KCNC2: variants seen among roughly 807,000 people sequenced by gnomAD.
KCNC2 encodes voltage-gated potassium channel KCNC2.
In KCNC2, 21 loss-of-function variants were observed where a neutral mutation model predicts 44.5. The observed-to-expected ratio is 0.47, with a 90% CI of 0.33 to 0.68. The LOEUF is 0.68. KCNC2 is among the 30% of genes least tolerant of loss of function. The pLI is 0.01. For synonymous variants in KCNC2, 391 were observed against 339.1 expected (o/e 1.15, Z -1.68); for missense variants, 589 against 826.2 (o/e 0.71, Z 3.52).
At chr12:75,162,144 G>A (rs112142528) in intron 2 of KCNC2, among the ~76,000 whole-genome samples, 2,218 of 151,768 alleles carry the variant, frequency 0.015, 53 homozygotes, top group African/African-American at 0.05. Flanking sequence ...CAACTTTAGT[G>A]AGCATTTCTG....
At chr12:75,076,680 T>C (rs1354428536) in intron 2 of KCNC2, among the ~76,000 whole-genome samples, 1 of 152,212 alleles carries the variant, frequency 6.6e-6, no homozygotes, top group Non-Finnish European at 1.5e-5. Context: ...ATGATTCTCC[T>C]CTAGAATATT....
intron 2 of KCNC2, among the ~76,000 whole-genome samples, chr12:75,112,300 T>C (rs1379539968): frequency 6.6e-6 from 1 of 152,010 alleles, no homozygotes; most frequent in East Asian, 1.9e-4. Flanking sequence ...AGTTGAGTTA[T>C]CTGAATTAAG....
chr12:75,041,899 A>G lies in KCNC2; in HGVS notation c.*1206T>C, dbSNP rs535337915. The G allele has an allele frequency of 1.1e-4, 114 of 992,394 alleles. No individual in the cohort carries two copies. Among genetic ancestry groups the G allele is most frequent in the Non-Finnish European group, 1.3e-4 (112 of 834,798 alleles). The allele number at this position is 992,394 out of a possible 1,614,324, so 61.5% of individuals were successfully genotyped here. On this transcript the variant is annotated 3_prime_UTR_variant, in exon 5 of 5. Transcript: ENST00000549446. ...GAGGGAGTAAATATTAAAATCATAA[A>G]CATCTTACAGAGGCATTTCTGTGCT...
At chr12:75,081,962 G>T (rs1361179153) in intron 2 of KCNC2, among the ~76,000 whole-genome samples, 1 of 151,944 alleles carries the variant, frequency 6.6e-6, no homozygotes, top group Non-Finnish European at 1.5e-5. Flanking sequence ...ACTAAAAGAT[G>T]ATTCCAGTTT....
At chr12:75,061,042 C>T (rs1680960206) in intron 2 of KCNC2, among the ~76,000 whole-genome samples, 1 of 152,110 alleles carries the variant, frequency 6.6e-6, no homozygotes, top group African/African-American at 2.4e-5. Flanking sequence ...TCTAATATAG[C>T]ACTTACCTCA....
At chr12:75,090,275 C>T (rs761815229) in intron 2 of KCNC2, among the ~76,000 whole-genome samples, 3 of 151,642 alleles carry the variant, frequency 2.0e-5, no homozygotes, top group Admixed American at 6.6e-5. Context: ...TCTTAGCCAC[C>T]TATCTCAAAA....
chr12:75,157,921 C>A (rs1238187268), intron 2 of KCNC2, among the ~76,000 whole-genome samples: 1 of 151,880 alleles, frequency 6.6e-6, no homozygotes, highest in Admixed American at 6.6e-5. Flanking sequence ...AACATTTTCT[C>A]TTAGAACGGT....
At chr12:75,122,096 T>A (rs1028503325) in intron 2 of KCNC2, among the ~76,000 whole-genome samples, 1 of 152,014 alleles carries the variant, frequency 6.6e-6, no homozygotes, top group African/African-American at 2.4e-5. Context: ...TCTGGAGAAA[T>A]CACAGGTCAA....
intron 2 of KCNC2, among the ~76,000 whole-genome samples, chr12:75,057,114 C>T (rs1038477309): frequency 1.3e-5 from 2 of 151,914 alleles, no homozygotes; most frequent in African/African-American, 4.8e-5. Flanking sequence ...TAAGTAATAA[C>T]CAAGAGAAGG....
intron 2 of KCNC2, among the ~76,000 whole-genome samples, chr12:75,190,322 C>T (rs1458794813): frequency 1.3e-5 from 2 of 152,154 alleles, no homozygotes; most frequent in Non-Finnish European, 2.9e-5. Context: ...TCTAAGACCT[C>T]TATCCCACTA....
intron 2 of KCNC2, among the ~76,000 whole-genome samples, chr12:75,173,302 T>C (rs1347142524): frequency 2.0e-5 from 3 of 151,892 alleles, no homozygotes; most frequent in Non-Finnish European, 4.4e-5. Flanking sequence ...ATGTCTGATA[T>C]AGAGATATAG....
At position 75,209,212 on chromosome 12, in the gene KCNC2, C is replaced by G. The variant is rs201190829; in HGVS notation, c.-25G>C. On this transcript the variant is annotated 5_prime_UTR_variant, in exon 1 of 5. Transcript: ENST00000549446. ...CCGCCCCCATTTCCAGATACCTTAACGAGACCGAGAGAAAAGTGGTTCTGC... is the reference window on the plus strand; with the variant it reads ...CCGCCCCCATTTCCAGATACCTTAAGGAGACCGAGAGAAAAGTGGTTCTGC... 6.6e-5 allele frequency: 10 copies of G among 152,346 alleles called. No homozygotes were observed. The highest frequency in any genetic ancestry group is 1.3e-4 in the Non-Finnish European group (9 of 68,234). The allele number at this position is 152,346 out of a possible 1,614,324, so 9.4% of individuals were successfully genotyped here.
At position 75,207,794 on chromosome 12, in the gene KCNC2, G is replaced by T; in HGVS notation, c.190C>A (p.Pro64Thr). The T allele has an allele frequency of 6.3e-7, 1 of 1,595,788 alleles. No homozygotes were observed. The highest frequency in any genetic ancestry group is 8.5e-7 in the Non-Finnish European group (1 of 1,172,898). Residue 64 changes from proline (P) to threonine (T), a missense_variant, in exon 2 of 5, where the codon CCG (proline) becomes ACG (threonine). By Grantham distance (38) the Pro-to-Thr change is conservative. This residue lies in a region of KCNC2 where 148 missense variants were observed against 140.1 expected (regional missense o/e 1.06). Coordinates refer to ENST00000549446, the MANE Select transcript of KCNC2 (RefSeq NM_139137.4). This position sits in a 1 kb window ranked among gnomAD's most constrained non-coding sequence, Gnocchi z 4.1. The stretch of plus-strand genomic sequence containing the variant: ...GGGGACAGCGGGGGCGCTCTCGGCG[G>T]CGGCGACAGTGGAGGCGGCGACGGC... ...LQPSPPPLSP[P>T]PRAPPLSPGP...
chr12:75,180,511 G>A (rs1892504552), intron 2 of KCNC2, among the ~76,000 whole-genome samples: 1 of 151,738 alleles, frequency 6.6e-6, no homozygotes, highest in Admixed American at 6.6e-5. Context: ...CGTACACTGT[G>A]TATTCCTTAT....
chr12:75,149,490 A>T (rs1431327272), intron 2 of KCNC2, among the ~76,000 whole-genome samples: 1 of 151,864 alleles, frequency 6.6e-6, no homozygotes, highest in Non-Finnish European at 1.5e-5. Context: ...TGAAATCCTC[A>T]TCTGTAGAAA....
At chr12:75,175,269 A>G (rs1178037875) in intron 2 of KCNC2, among the ~76,000 whole-genome samples, 1 of 152,030 alleles carries the variant, frequency 6.6e-6, no homozygotes, top group Non-Finnish European at 1.5e-5. Flanking sequence ...AAATTCTAGG[A>G]CATGCCTTTC....
In KCNC2 at chr12:75,158,688, A is replaced by AT. The variant is rs555869320; in HGVS notation, c.687+48608dup. ...GGCTTCATCCAACAAAGTTACTTTG[A>AT]TTTTTTTTTCCCAAAAAACCTTCTG... On this transcript the variant is annotated intron_variant, in intron 2 of 4. Transcript: ENST00000549446. Among the ~76,000 whole-genome samples, 675 of 151,344 alleles carry AT rather than the reference A, an allele frequency of 4.5e-3. 8 individuals are homozygous for AT. Among genetic ancestry groups the AT allele is most frequent in the African/African-American group, 0.016 (655 of 41,330 alleles).
chr12:75,041,753 C>A lies in KCNC2; in HGVS notation c.*1352G>T. 14 of 991,782 alleles carry A rather than the reference C, an allele frequency of 1.4e-5. No homozygotes were observed. The highest frequency in any genetic ancestry group is 1.7e-5 in the Non-Finnish European group (14 of 833,640). 61.4% of individuals were successfully genotyped at this position (991,782 alleles called of 1,614,324 possible). A position where few individuals can be genotyped will look rare whatever the true frequency, so the allele number is the denominator to read the frequency against. On this transcript the variant is annotated 3_prime_UTR_variant, in exon 5 of 5. Coordinates refer to ENST00000549446, the MANE Select transcript of KCNC2 (RefSeq NM_139137.4). ...GCAATGGTGAAATTGCTGCTTAAAC[C>A]CTGCTTATCAAAAAGATTCACAGTG... is the stretch of plus-strand genomic sequence containing the variant.
chr12:75,139,985 T>C (rs1178287022), intron 2 of KCNC2, among the ~76,000 whole-genome samples: 1 of 152,166 alleles, frequency 6.6e-6, no homozygotes, highest in Non-Finnish European at 1.5e-5. Flanking sequence ...ATTGCTGCAA[T>C]AACAAACCAC....
Sources: gnomAD v4.1 joint callset for allele counts (sites outside exome capture counted in the v4.1 genomes callset) on GRCh38, gnomAD v4.1.1 for gene constraint, gnomAD v4.1.1 regional missense constraint, Gnocchi (gnomAD v3.1) non-coding constraint, MANE v1.5 for transcripts, NCBI Gene and HGNC (gene_info 2026-07-23, HGNC 2026-07-21) for gene names.